NTM: variants seen among roughly 807,000 people sequenced by gnomAD.
The protein encoded by NTM is IgLON family member 2.
NTM carries 13 observed loss-of-function variants against 42.1 expected under a neutral mutation model. The observed-to-expected ratio is 0.31, with a 90% CI of 0.20 to 0.49. The LOEUF (loss-of-function observed/expected upper bound fraction) is 0.49. Ranked by LOEUF, NTM falls within the 20% of genes least tolerant of loss-of-function variation. NTM has a pLI of 0.99. For synonymous variants in NTM, 187 were observed against 179.2 expected, an observed-to-expected ratio of 1.04 and a Z score of -0.35; for missense variants, 373 against 452.8, an observed-to-expected ratio of 0.82 and a Z score of 1.60.
At chr11:132,288,453 G>T (rs1447826901) in intron 4 of NTM, among the ~76,000 whole-genome samples, 1 of 152,124 alleles carries the variant, frequency 6.6e-6, no homozygotes, top group Non-Finnish European at 1.5e-5. Context: ...GCTACTTTTT[G>T]AATGCATGTT....
intron 2 of NTM, among the ~76,000 whole-genome samples, chr11:132,137,592 T>A (rs1183468076): frequency 6.6e-6 from 1 of 152,012 alleles, no homozygotes; most frequent in African/African-American, 2.4e-5. Flanking sequence ...TTTAATAAAG[T>A]GGATATTTAT....
At chr11:131,818,483 A>T (rs10894452) in intron 1 of NTM, among the ~76,000 whole-genome samples, 121,905 of 152,056 alleles carry the variant, frequency 0.8, 49,578 homozygotes, top group African/African-American at 0.92. Flanking sequence ...ATAGCTGGAT[A>T]GGGATATTAG....
intron 4 of NTM, among the ~76,000 whole-genome samples, chr11:132,258,674 T>C (rs1178157600): frequency 6.6e-6 from 1 of 152,216 alleles, no homozygotes; most frequent in Non-Finnish European, 1.5e-5. Flanking sequence ...ACTCTAGACC[T>C]AGGGCCACAG....
chr11:132,082,690 A>G (rs183618821), intron 2 of NTM, among the ~76,000 whole-genome samples: 1 of 152,330 alleles, frequency 6.6e-6, no homozygotes, highest in African/African-American at 2.4e-5. Flanking sequence ...AATAAGGACA[A>G]GGATGAAGAC....
chr11:131,570,731 G>A (rs984222659), intron 1 of NTM, among the ~76,000 whole-genome samples: 5 of 152,206 alleles, frequency 3.3e-5, no homozygotes, highest in South Asian at 2.1e-4. Context: ...CCTGAGGCAC[G>A]AGAATCACTT....
chr11:131,580,504 G>A (rs551733972), intron 1 of NTM, among the ~76,000 whole-genome samples: 1 of 152,040 alleles, frequency 6.6e-6, no homozygotes, highest in Non-Finnish European at 1.5e-5. Flanking sequence ...GAGAACAAAG[G>A]TTAAGGCACA....
chr11:132,083,222 A>G (rs1463591807), intron 2 of NTM, among the ~76,000 whole-genome samples: 2 of 152,252 alleles, frequency 1.3e-5, no homozygotes, highest in African/African-American at 2.4e-5. Flanking sequence ...TGAAAAACTT[A>G]ATGAATGAGT....
chr11:132,228,033 A>C (rs984798855), intron 4 of NTM, among the ~76,000 whole-genome samples: 2 of 152,150 alleles, frequency 1.3e-5, no homozygotes, highest in African/African-American at 4.8e-5. Context: ...TCTTTTTTCA[A>C]AAAAGATGCC....
At chr11:131,798,494 T>G (rs1670350310) in intron 1 of NTM, among the ~76,000 whole-genome samples, 1 of 152,172 alleles carries the variant, frequency 6.6e-6, no homozygotes, top group Admixed American at 6.5e-5. Context: ...GCAGATTCAG[T>G]TGTTCCACCT....
At chr11:131,931,211 G>A (rs2058563157) in intron 2 of NTM, among the ~76,000 whole-genome samples, 1 of 152,104 alleles carries the variant, frequency 6.6e-6, no homozygotes, top group Admixed American at 6.6e-5. Flanking sequence ...ACTTTGGGAG[G>A]CTGAGGTGGG....
intron 1 of NTM, among the ~76,000 whole-genome samples, chr11:131,785,709 G>T (rs2089041875): frequency 6.6e-6 from 1 of 152,180 alleles, no homozygotes; most frequent in African/African-American, 2.4e-5. Flanking sequence ...CTAAGATAGA[G>T]ACCTGATGAA....
At chr11:131,716,830 A>G (rs1592682282) in intron 1 of NTM, among the ~76,000 whole-genome samples, 3 of 152,238 alleles carry the variant, frequency 2.0e-5, no homozygotes, top group South Asian at 2.1e-4. Context: ...GTTGATTACT[A>G]AAGCTTTTTG....
intron 4 of NTM, among the ~76,000 whole-genome samples, chr11:132,232,193 A>T (rs1168652415): frequency 6.6e-6 from 1 of 152,122 alleles, no homozygotes; most frequent in Non-Finnish European, 1.5e-5. Context: ...TTGACTATAA[A>T]CTTCCCACTG....
At chr11:131,948,251 G>A (rs1220428938) in intron 2 of NTM, among the ~76,000 whole-genome samples, 1 of 151,820 alleles carries the variant, frequency 6.6e-6, no homozygotes, top group African/African-American at 2.4e-5. Context: ...TGTAGTCCCC[G>A]CTACTTGGGA....
At chr11:131,434,665 G>A (rs970848234) in intron 1 of NTM, among the ~76,000 whole-genome samples, 13 of 152,240 alleles carry the variant, frequency 8.5e-5, no homozygotes, top group African/African-American at 2.9e-4. Flanking sequence ...ATTTGTTTAA[G>A]TTCTTTGTAG....
At chr11:131,535,547 G>T (rs1040394412) in intron 1 of NTM, 1 of 152,124 alleles carries the variant, frequency 6.6e-6, no homozygotes, top group Non-Finnish European at 1.5e-5. Context: ...CTATACAAAT[G>T]GCATAAAGGT....
intron 2 of NTM, among the ~76,000 whole-genome samples, chr11:132,049,140 A>T (rs1251607504): frequency 6.6e-6 from 1 of 152,186 alleles, no homozygotes; most frequent in African/African-American, 2.4e-5. Context: ...CACACCTCAC[A>T]TACCTGAGGA....
At chr11:132,273,540 G>T (rs755875296) in intron 4 of NTM, among the ~76,000 whole-genome samples, 1 of 151,948 alleles carries the variant, frequency 6.6e-6, no homozygotes, top group Admixed American at 6.6e-5. Flanking sequence ...ATCCATCTAT[G>T]CCTAAGCTTT....
chr11:131,781,638 C>T (rs2088156447), intron 1 of NTM, among the ~76,000 whole-genome samples: 1 of 152,094 alleles, frequency 6.6e-6, no homozygotes, highest in Non-Finnish European at 1.5e-5. Context: ...TTGCTTCTGG[C>T]AATGAGAGAT....
Sources: gnomAD v4.1 joint callset for allele counts (sites outside exome capture counted in the v4.1 genomes callset) on GRCh38, gnomAD v4.1.1 for gene constraint, MANE v1.5 for transcripts, NCBI Gene and HGNC (gene_info 2026-07-23, HGNC 2026-07-21) for gene names.